METTL25: variants seen among roughly 807,000 people sequenced by gnomAD.
The protein encoded by METTL25 is methyltransferase like 25, also known as probable methyltransferase-like protein 25.
A neutral mutation model predicts 71.6 loss-of-function variants in METTL25; 64 were observed. That is an observed-to-expected ratio of 0.89 (90% confidence interval 0.73 to 1.10). The LOEUF (loss-of-function observed/expected upper bound fraction) is 1.10. METTL25 is among the 50% of genes least tolerant of loss of function. The pLI is 0.00. For missense variants in METTL25, 807 were observed against 707.0 expected, an observed-to-expected ratio of 1.14 and a Z score of -1.60; for synonymous variants, 287 against 250.3, an observed-to-expected ratio of 1.15 and a Z score of -1.38.
chr12:82,453,767 C>A (rs867175330), intron 8 of METTL25, among the ~76,000 whole-genome samples: 1 of 151,996 alleles, frequency 6.6e-6, no homozygotes, highest in Admixed American at 6.6e-5. Flanking sequence ...TATATTAATG[C>A]ATTTTTCTCT....
At chr12:82,441,786 CAAAA>C (rs201386289) in intron 8 of METTL25, among the ~76,000 whole-genome samples, 2 of 62,648 alleles carry the variant, frequency 3.2e-5, no homozygotes, top group African/African-American at 1.2e-4. Context: ...CATACTATAG[CAAAA>C]AAAAAAAAAA....
At chr12:82,467,380 T>A (rs1185299346) in intron 9 of METTL25, among the ~76,000 whole-genome samples, 1 of 152,106 alleles carries the variant, frequency 6.6e-6, no homozygotes, top group Non-Finnish European at 1.5e-5. Flanking sequence ...TTTTATAGTT[T>A]TCATGCTTTG....
At chr12:82,465,512 G>A (rs1162266738) in intron 9 of METTL25, among the ~76,000 whole-genome samples, 2 of 151,868 alleles carry the variant, frequency 1.3e-5, no homozygotes, top group African/African-American at 2.4e-5. Context: ...GTATTTTGTT[G>A]ATAATTTTTG....
chr12:82,417,492 C>A (rs1221736082), intron 5 of METTL25, among the ~76,000 whole-genome samples: 1 of 152,142 alleles, frequency 6.6e-6, no homozygotes, highest in African/African-American at 2.4e-5. Flanking sequence ...TTGTGACACT[C>A]CCTTCACATA....
rs575097665 is a variant in METTL25, at chr12:82,466,481, A to T, written c.1572+9661A>T. Among the ~76,000 whole-genome samples, 13 of 151,974 alleles carry T rather than the reference A, an allele frequency of 8.6e-5. No homozygotes were observed. In the South Asian group the frequency reaches 1.0e-3, roughly 12 times the overall value. Reference sequence around the variant, plus strand: ...ATATTTGGTATGATTTTGATTTTTTAAAATTTTTGAGACTTTTTTGTGTCC... The same window carrying T: ...ATATTTGGTATGATTTTGATTTTTTTAAATTTTTGAGACTTTTTTGTGTCC... On this transcript the variant is annotated intron_variant, in intron 9 of 11. Coordinates refer to ENST00000248306, the MANE Select transcript of METTL25 (RefSeq NM_032230.3).
At chr12:82,443,907 C>T (rs1342189739) in intron 8 of METTL25, among the ~76,000 whole-genome samples, 1 of 152,076 alleles carries the variant, frequency 6.6e-6, no homozygotes, top group East Asian at 1.9e-4. Flanking sequence ...CATTAGGCCC[C>T]ACCTCCAACA....
At chr12:82,419,975 A>G (rs1231808560) in intron 5 of METTL25, among the ~76,000 whole-genome samples, 1 of 152,192 alleles carries the variant, frequency 6.6e-6, no homozygotes, top group African/African-American at 2.4e-5. Context: ...TCCATTAATG[A>G]ATAAATGGAT....
intron 9 of METTL25, among the ~76,000 whole-genome samples, chr12:82,462,985 G>A (rs748796586): frequency 7.9e-5 from 12 of 151,814 alleles, no homozygotes; most frequent in Non-Finnish European, 1.3e-4. Context: ...GATATACATA[G>A]TGATGTTGCA....
At chr12:82,433,545 T>C (rs1484680115) in intron 6 of METTL25, among the ~76,000 whole-genome samples, 3 of 151,670 alleles carry the variant, frequency 2.0e-5, no homozygotes, top group Non-Finnish European at 3.0e-5. Context: ...TGAACTCTTT[T>C]TCCCACTAAC....
At chr12:82,450,440 C>G (rs1793636199) in intron 8 of METTL25, among the ~76,000 whole-genome samples, 1 of 152,126 alleles carries the variant, frequency 6.6e-6, no homozygotes, top group Non-Finnish European at 1.5e-5. Context: ...GACCATCACT[C>G]TGGTCCAAGC....
chr12:82,398,508 A>G (rs1416805525), intron 3 of METTL25, among the ~76,000 whole-genome samples: 1 of 152,052 alleles, frequency 6.6e-6, no homozygotes, highest in East Asian at 1.9e-4. Flanking sequence ...ATTCTTTAAG[A>G]TATTCTGCAG....
intron 5 of METTL25, among the ~76,000 whole-genome samples, chr12:82,419,398 G>A (rs1047994093): frequency 1.3e-5 from 2 of 152,192 alleles, no homozygotes; most frequent in Admixed American, 6.6e-5. Flanking sequence ...CTGCTTTTCA[G>A]TTGTACAACG....
intron 1 of METTL25, among the ~76,000 whole-genome samples, chr12:82,372,672 T>A (rs1010285183): frequency 6.6e-6 from 1 of 152,120 alleles, no homozygotes; most frequent in East Asian, 1.9e-4. Flanking sequence ...ACCTCTTTTT[T>A]AGGATTTGCA....
At chr12:82,475,921 GAAT>G (rs1185988251) in intron 9 of METTL25, among the ~76,000 whole-genome samples, 2 of 151,968 alleles carry the variant, frequency 1.3e-5, no homozygotes, top group Non-Finnish European at 2.9e-5. Flanking sequence ...CATTTCCTTT[GAAT>G]GTCATGTTGG....
At chr12:82,415,038 A>G (rs1239860366) in intron 5 of METTL25, among the ~76,000 whole-genome samples, 1 of 152,088 alleles carries the variant, frequency 6.6e-6, no homozygotes, top group Non-Finnish European at 1.5e-5. Flanking sequence ...AGCAGAGGGA[A>G]CCTGTCATAC....
At chr12:82,472,799 C>T (rs1036260691) in intron 9 of METTL25, among the ~76,000 whole-genome samples, 2 of 152,054 alleles carry the variant, frequency 1.3e-5, no homozygotes, top group Admixed American at 1.3e-4. Context: ...ATTATTTTCT[C>T]TGGCATTTTG....
chr12:82,369,015 A>G (rs1016157648), intron 1 of METTL25, among the ~76,000 whole-genome samples: 10 of 152,112 alleles, frequency 6.6e-5, no homozygotes, highest in African/African-American at 2.4e-4. Flanking sequence ...TTTTCCCTCT[A>G]CCCTTAAACT....
intron 3 of METTL25, among the ~76,000 whole-genome samples, chr12:82,398,351 G>A (rs538447711): frequency 1.3e-5 from 2 of 151,722 alleles, no homozygotes; most frequent in South Asian, 2.1e-4. Flanking sequence ...TGAGTGCTGG[G>A]ACTATAGGTT....
At chr12:82,442,154 G>C (rs1043821731) in intron 8 of METTL25, among the ~76,000 whole-genome samples, 11 of 152,152 alleles carry the variant, frequency 7.2e-5, no homozygotes, top group African/African-American at 2.7e-4. Context: ...CCATCACTCA[G>C]CAGTAACAAG....
Sources: gnomAD v4.1 joint callset for allele counts (sites outside exome capture counted in the v4.1 genomes callset) on GRCh38, gnomAD v4.1.1 for gene constraint, MANE v1.5 for transcripts, NCBI Gene and HGNC (gene_info 2026-07-23, HGNC 2026-07-21) for gene names.